The following OR51L1 variants were observed in gnomAD, a reference collection of about 807,000 sequenced individuals.
The protein encoded by OR51L1 is olfactory receptor 51L1.
A neutral mutation model predicts 1.4 loss-of-function variants in OR51L1; 1 was observed. The ratio of observed to expected loss-of-function variants is 0.72; its 90% CI spans 0.26 to 3.42. The LOEUF is 3.42. Among genes scored for constraint, OR51L1 ranks in the 30% most tolerant of loss-of-function variants. The pLI, the probability that OR51L1 is intolerant of heterozygous loss-of-function variation, is 0.20. For synonymous variants in OR51L1, 156 were observed against 144.2 expected, an observed-to-expected ratio of 1.08 and a Z score of -0.59; for missense variants, 378 against 380.0, an observed-to-expected ratio of 0.99 and a Z score of 0.04.
At chr11:4,996,907 C>T (rs1847078559) in intron 1 of OR51L1, among the ~76,000 whole-genome samples, 1 of 151,694 alleles carries the variant, frequency 6.6e-6, no homozygotes, top group South Asian at 2.1e-4. Flanking sequence ...AAAAATTTTT[C>T]TGAGTGAGGA....
chr11:4,996,689 TTTTCTTTCTTTTCC>T (rs1305841601), intron 1 of OR51L1, among the ~76,000 whole-genome samples: 1 of 141,506 alleles, frequency 7.1e-6, no homozygotes, highest in Non-Finnish European at 1.5e-5. Flanking sequence ...CTTTCTTTCT[TTTTCTTTCTTTTCC>T]TTCCTTCCTT....
rs1847125422 is a variant in OR51L1, at chr11:5,000,977, A to T, written c.*1047A>T. The T allele has an allele frequency of 6.6e-6, 1 of 152,272 alleles. No homozygotes were observed. Among genetic ancestry groups the T allele is most frequent in the African/African-American group, 2.4e-5 (1 of 41,392 alleles). The allele number at this position is 152,272 out of a possible 1,614,324, so 9.4% of individuals were successfully genotyped here. Reference sequence around the variant, plus strand: ...ACCCAGGTGGAAGTGCAATGGCGTGATCTCTGCTCACTGCAACCTTCGCCT... The same window carrying T: ...ACCCAGGTGGAAGTGCAATGGCGTGTTCTCTGCTCACTGCAACCTTCGCCT... On this transcript the variant is annotated 3_prime_UTR_variant, in exon 3 of 3. Transcript: ENST00000641819.
rs999370285 is a variant in OR51L1, at chr11:4,999,905, A to G, written c.923A>G (p.Lys308Arg). The G allele has an allele frequency of 4.3e-6, 7 of 1,612,336 alleles. No homozygotes were observed. Among genetic ancestry groups the G allele is most frequent in the Non-Finnish European group, 5.9e-6 (7 of 1,179,118 alleles). ...CAGATTCGTCTAGGAATTCTCCACA[A>G]GTTTGTCCTAAGGAGGAGGTTTTAA... ...TKQIRLGILH[K>R]FVLRRRF The change falls in exon 3 of 3, where the codon AAG (lysine) becomes AGG (arginine). Residue 308 changes from lysine to arginine, a missense_variant. Lys to Arg is a conservative substitution (Grantham distance 26). Coordinates refer to ENST00000641819, the MANE Select transcript of OR51L1 (RefSeq NM_001004755.2).
In OR51L1 at chr11:5,003,566, T is replaced by C. The variant is rs1564823764; in HGVS notation, c.*3636T>C. 6.6e-6 allele frequency: 1 copy of C among 152,116 alleles called. No homozygotes were observed. Among genetic ancestry groups the C allele is most frequent in the Non-Finnish European group, 1.5e-5 (1 of 68,018 alleles). The allele number at this position is 152,116 out of a possible 1,614,324, so 9.4% of individuals were successfully genotyped here. ...TTGCCCAACCATTGCCTAACATTAC[T>C]AGTGGGTAAGCTAGAGCCCTTTCCT... On this transcript the variant is annotated 3_prime_UTR_variant, in exon 3 of 3. Transcript: ENST00000641819.
chr11:5,004,803 A>G lies in OR51L1; in HGVS notation c.*4873A>G, dbSNP rs1010818924. 2.0e-5 allele frequency: 3 copies of G among 152,176 alleles called. No individual in the cohort carries two copies. The highest frequency in any genetic ancestry group is 4.4e-5 in the Non-Finnish European group (3 of 68,042). The allele number at this position is 152,176 out of a possible 1,614,324, so 9.4% of individuals were successfully genotyped here. On this transcript the variant is annotated 3_prime_UTR_variant, in exon 3 of 3. Transcript: ENST00000641819. ...GATGTCCTTCTGTGTAATTTTTGAA[A>G]GTTGTAAGGCTTTCCTTTTGATATT...
chr11:4,998,407 G>T (rs1847091963), intron 2 of OR51L1, among the ~76,000 whole-genome samples: 1 of 151,584 alleles, frequency 6.6e-6, no homozygotes, highest in Admixed American at 6.6e-5. Context: ...TTATGTTCAT[G>T]CTCTCTTTTC....
intron 1 of OR51L1, among the ~76,000 whole-genome samples, chr11:4,996,715 CTTTTCTT>C (rs1564822208): frequency 2.2e-4 from 18 of 81,526 alleles, no homozygotes; most frequent in African/African-American, 8.0e-4. Flanking sequence ...TCCTTCCTTT[CTTTTCTT>C]TTCTTTCTTT....
In OR51L1 at chr11:4,996,726, TTTCTTTCTTTC is replaced by T. The variant is rs767078160; in HGVS notation, c.-261-753_-261-743del. Among the ~76,000 whole-genome samples the T allele has an allele frequency of 2.8e-4, 19 of 67,278 alleles. 1 individual carries two copies. The highest frequency in any genetic ancestry group is 7.9e-3 in the Middle Eastern group (1 of 126). 44.1% of individuals were successfully genotyped at this position (67,278 alleles called of 152,430 possible). A position where few individuals can be genotyped will look rare whatever the true frequency, so the allele number is the denominator to read the frequency against. On this transcript the variant is annotated intron_variant, in intron 1 of 2. Transcript: ENST00000641819. ...TCCTTCCTTCCTTTCTTTTCTTTTC[TTTCTTTCTTTC>T]TTTCTTTCTTTCTTTCTTTCTTTCT...
rs1847155241 is a variant in OR51L1, at chr11:5,004,129, G to A, written c.*4199G>A. Reference sequence around the variant, plus strand: ...AAGAAAAAACAAACTTGGAAAATGGGGAAGGTACTCCCCAAGCCCGAGGTT... The same window carrying A: ...AAGAAAAAACAAACTTGGAAAATGGAGAAGGTACTCCCCAAGCCCGAGGTT... On this transcript the variant is annotated 3_prime_UTR_variant, in exon 3 of 3. Coordinates refer to ENST00000641819, the MANE Select transcript of OR51L1 (RefSeq NM_001004755.2). 6.6e-6 allele frequency: 1 copy of A among 152,142 alleles called. No homozygotes were observed. The highest frequency in any genetic ancestry group is 2.1e-4 in the South Asian group (1 of 4,828). 9.4% of individuals were successfully genotyped at this position (152,142 alleles called of 1,614,324 possible).
In OR51L1 at chr11:5,003,067, G is replaced by A. The variant is rs1451629284; in HGVS notation, c.*3137G>A. 6.6e-6 allele frequency: 1 copy of A among 152,186 alleles called. No homozygotes were observed. Among genetic ancestry groups the A allele is most frequent in the African/African-American group, 2.4e-5 (1 of 41,440 alleles). 9.4% of individuals were successfully genotyped at this position (152,186 alleles called of 1,614,324 possible). ...GAAATTGACTGAGGGGCATAAGGCA[G>A]AGAAAGAGATCAAGGCAAGTTTCGA... On this transcript the variant is annotated 3_prime_UTR_variant, in exon 3 of 3. Transcript: ENST00000641819.
At chr11:4,997,852 G>A (rs1047000109) in intron 2 of OR51L1, among the ~76,000 whole-genome samples, 5 of 152,158 alleles carry the variant, frequency 3.3e-5, no homozygotes, top group African/African-American at 1.2e-4. Context: ...GGCACTGATA[G>A]TGAATATTTA....
rs1847153962 is a variant in OR51L1, at chr11:5,003,976, A to T, written c.*4046A>T. The T allele has an allele frequency of 1.3e-5, 2 of 152,240 alleles. No individual in the cohort carries two copies. The highest frequency in any genetic ancestry group is 4.8e-5 in the African/African-American group (2 of 41,474). 9.4% of individuals were successfully genotyped at this position (152,240 alleles called of 1,614,324 possible). On this transcript the variant is annotated 3_prime_UTR_variant, in exon 3 of 3. Coordinates refer to ENST00000641819, the MANE Select transcript of OR51L1 (RefSeq NM_001004755.2). ...CTGTCATTCAGGATCCAGTAAGAAG[A>T]CAAAAATCACACAGTAATTTGAATA...
rs1847154252 is a variant in OR51L1, at chr11:5,004,014, A to G, written c.*4084A>G. ...AGTAATTTGAATAGAGTTTATAAAT[A>G]CAAATACTTATTAATTTCATAAGGA... is the stretch of plus-strand genomic sequence containing the variant. On this transcript the variant is annotated 3_prime_UTR_variant, in exon 3 of 3. Coordinates refer to ENST00000641819, the MANE Select transcript of OR51L1 (RefSeq NM_001004755.2). 1 of 152,224 alleles carries G rather than the reference A, an allele frequency of 6.6e-6. No individual in the cohort carries two copies. The highest frequency in any genetic ancestry group is 2.4e-5 in the African/African-American group (1 of 41,462). 9.4% of individuals were successfully genotyped at this position (152,224 alleles called of 1,614,324 possible).
Position 4,999,625 on chromosome 11 carries a change from T to A in OR51L1, c.643T>A (p.Phe215Ile), listed in dbSNP as rs780928560. 35 of 1,613,900 alleles carry A rather than the reference T, an allele frequency of 2.2e-5. No individual in the cohort carries two copies. Among genetic ancestry groups the A allele is most frequent in the Non-Finnish European group, 2.9e-5 (34 of 1,179,944 alleles). The change falls in exon 3 of 3, where the codon TTC becomes ATC. Residue 215 changes from phenylalanine (F) to isoleucine (I), a missense_variant. Transcript: ENST00000641819. ...VIATLGVDSI[F>I]ILLSYVLILN... ...TGCCACACTAGGTGTGGATTCAATC[T>A]TCATACTTCTTTCTTATGTTCTGAT...
chr11:5,004,149 G>A lies in OR51L1; in HGVS notation c.*4219G>A, dbSNP rs752672449. The A allele has an allele frequency of 3.9e-5, 6 of 152,158 alleles. No homozygotes were observed. Among genetic ancestry groups the A allele is most frequent in the South Asian group, 2.1e-4 (1 of 4,826 alleles). The allele number at this position is 152,158 out of a possible 1,614,324, so 9.4% of individuals were successfully genotyped here. On this transcript the variant is annotated 3_prime_UTR_variant, in exon 3 of 3. Coordinates refer to ENST00000641819, the MANE Select transcript of OR51L1 (RefSeq NM_001004755.2). ...AATGGGGAAGGTACTCCCCAAGCCC[G>A]AGGTTGAAACTTCATTTGAGAATGC...
At chr11:4,997,956 T>TA (rs1847086749) in intron 2 of OR51L1, among the ~76,000 whole-genome samples, 1 of 152,124 alleles carries the variant, frequency 6.6e-6, no homozygotes, top group African/African-American at 2.4e-5. Context: ...GATGATCTTT[T>TA]AAAAATGATA....
chr11:5,004,582 T>C lies in OR51L1; in HGVS notation c.*4652T>C, dbSNP rs1847159940. ...GCCTCTGGTAGAAGAGAGAGAATAA[T>C]CAAAGAGAAGTACACACGAACTTCT... On this transcript the variant is annotated 3_prime_UTR_variant, in exon 3 of 3. Transcript: ENST00000641819. The C allele has an allele frequency of 1.3e-5, 2 of 152,054 alleles. No individual in the cohort carries two copies. The highest frequency in any genetic ancestry group is 4.1e-4 in the South Asian group (2 of 4,820). The allele number at this position is 152,054 out of a possible 1,614,324, so 9.4% of individuals were successfully genotyped here.
chr11:4,997,849 A>T (rs1227154939), intron 2 of OR51L1, among the ~76,000 whole-genome samples: 2 of 152,200 alleles, frequency 1.3e-5, no homozygotes, highest in African/African-American at 4.8e-5. Flanking sequence ...AGAGGCACTG[A>T]TAGTGAATAT....
In OR51L1 at chr11:4,999,390, C is replaced by T. The variant is rs761892363; in HGVS notation, c.408C>T (p.Thr136=). ...TCTGCCATCCACTGCACTACCCCAC[C>T]ATCCTCACCAACAGTGTAATTGGCA... The part of the protein sequence containing the change: ...VAICHPLHYP[T]ILTNSVIGKI... Residue 136 remains threonine (T), a synonymous_variant, in exon 3 of 3, where the codon ACC becomes ACT. Transcript: ENST00000641819. The T allele has an allele frequency of 5.6e-6, 9 of 1,614,060 alleles. No homozygotes were observed. The Admixed American group carries it at 8.3e-5, about 15-fold the overall frequency.
Sources: allele counts gnomAD v4.1 joint callset (sites outside exome capture counted in the v4.1 genomes callset), GRCh38; gene constraint gnomAD v4.1.1; transcripts MANE v1.5; gene names NCBI Gene and HGNC (gene_info 2026-07-23, HGNC 2026-07-21).